THSD7A: variants seen among roughly 807,000 people sequenced by gnomAD.
The protein encoded by THSD7A is thrombospondin type 1 domain containing 7A.
A neutral mutation model predicts 231.3 loss-of-function variants in THSD7A; 96 were observed. The observed-to-expected ratio is 0.41, with a 90% CI of 0.35 to 0.49. The LOEUF (loss-of-function observed/expected upper bound fraction) is 0.49, where lower values mean the gene tolerates loss of function less well. THSD7A is among the 20% of genes least tolerant of loss of function. The pLI is 0.05. For synonymous variants in THSD7A, 940 were observed against 743.3 expected, an observed-to-expected ratio of 1.26 and a Z score of -4.30; for missense variants, 2,290 against 2,070.2, an observed-to-expected ratio of 1.11 and a Z score of -2.06.
At chr7:11,824,033 A>C (rs10273683) in intron 1 of THSD7A, among the ~76,000 whole-genome samples, 1 of 152,010 alleles carries the variant, frequency 6.6e-6, no homozygotes, top group Non-Finnish European at 1.5e-5. Flanking sequence ...TTCTACTGTG[A>C]CAACATTTAA....
intron 1 of THSD7A, among the ~76,000 whole-genome samples, chr7:11,702,928 G>C (rs1281714841): frequency 1.3e-5 from 2 of 151,152 alleles, no homozygotes; most frequent in African/African-American, 4.8e-5. Context: ...GACTAGCTTG[G>C]TATAATTATT....
chr7:11,383,646 G>C (rs961765684), intron 23 of THSD7A, among the ~76,000 whole-genome samples: 2 of 151,842 alleles, frequency 1.3e-5, no homozygotes, highest in Non-Finnish European at 2.9e-5. Flanking sequence ...TTTTGGGTAT[G>C]GAAAGTTATC....
intron 6 of THSD7A, among the ~76,000 whole-genome samples, chr7:11,537,985 G>A (rs993303645): frequency 6.6e-6 from 1 of 152,180 alleles, no homozygotes; most frequent in Non-Finnish European, 1.5e-5. Flanking sequence ...CAATACACAA[G>A]GATGGCCCTA....
intron 1 of THSD7A, among the ~76,000 whole-genome samples, chr7:11,775,431 G>A (rs1440582690): frequency 6.6e-6 from 1 of 152,096 alleles, no homozygotes; most frequent in African/African-American, 2.4e-5. Flanking sequence ...GTCCAAAAGT[G>A]GAAGCACCCC....
intron 1 of THSD7A, among the ~76,000 whole-genome samples, chr7:11,803,999 C>G (rs1354175661): frequency 6.6e-6 from 1 of 151,934 alleles, no homozygotes; most frequent in African/African-American, 2.4e-5. Flanking sequence ...TTTGAATTAT[C>G]ATAAGATAAT....
intron 6 of THSD7A, among the ~76,000 whole-genome samples, chr7:11,539,958 C>T (rs984741): frequency 1.1e-4 from 16 of 152,170 alleles, no homozygotes; most frequent in African/African-American, 2.4e-4. Flanking sequence ...GAATTCAATA[C>T]GACCCTGACT....
At position 11,424,800 on chromosome 7, in the gene THSD7A, G is replaced by C. The variant is rs1369013634; in HGVS notation, c.3279C>G (p.Asp1093Glu). ...CTGTGACCCATAGGTACTGGTTGCAGTCACTGTGGCATGGGACAACCTCAT... is the reference window on the plus strand; with the variant it reads ...CTGTGACCCATAGGTACTGGTTGCACTCACTGTGGCATGGGACAACCTCAT... ...QVYEVVPCHS[D>E]CNQYLWVTEP... is the part of the protein sequence containing the mutation. The change falls in exon 16 of 28, where the codon GAC (aspartate) becomes GAG (glutamate). Residue 1093 changes from aspartate (D) to glutamate (E), a missense_variant. Coordinates refer to ENST00000423059, the MANE Select transcript of THSD7A (RefSeq NM_015204.3). 6.2e-7 allele frequency: 1 copy of C among 1,614,014 alleles called. No homozygotes were observed. Among genetic ancestry groups the C allele is most frequent in the East Asian group, 2.2e-5 (1 of 44,882 alleles).
chr7:11,406,265 T>C lies in THSD7A; in HGVS notation c.4237+35A>G. 6.4e-7 allele frequency: 1 copy of C among 1,562,876 alleles called. No individual in the cohort carries two copies. Among genetic ancestry groups the C allele is most frequent in the Non-Finnish European group, 8.6e-7 (1 of 1,156,750 alleles). On this transcript the variant is annotated intron_variant, in intron 22 of 27. Transcript: ENST00000423059. The surrounding 1 kb of genome is among the most constrained non-coding windows in gnomAD (Gnocchi z 4.7). ...TCACGGCCCTTGTCCTAGGAAAAAA[T>C]AATCAGAATATGAATTCTCCTTTGC...
chr7:11,492,756 C>A (rs538290091), intron 6 of THSD7A, among the ~76,000 whole-genome samples: 1 of 152,130 alleles, frequency 6.6e-6, no homozygotes, highest in African/African-American at 2.4e-5. Context: ...AGAATCTAAT[C>A]CAAAGAATTA....
chr7:11,552,293 C>A (rs746260669), intron 4 of THSD7A, among the ~76,000 whole-genome samples: 4 of 151,986 alleles, frequency 2.6e-5, no homozygotes, highest in Non-Finnish European at 5.9e-5. Context: ...CAAACCTGTA[C>A]ATATATCCCT....
At chr7:11,739,653 A>G (rs1345551262) in intron 1 of THSD7A, among the ~76,000 whole-genome samples, 3 of 151,752 alleles carry the variant, frequency 2.0e-5, no homozygotes, top group Non-Finnish European at 4.4e-5. Flanking sequence ...CCTGGTCTCA[A>G]GCAATCCTCT....
chr7:11,763,140 A>G (rs2128168855), intron 1 of THSD7A, among the ~76,000 whole-genome samples: 1 of 152,272 alleles, frequency 6.6e-6, no homozygotes, highest in African/African-American at 2.4e-5. Flanking sequence ...ACTAAAGGCC[A>G]TTCCAAATTG....
intron 1 of THSD7A, among the ~76,000 whole-genome samples, chr7:11,737,799 A>G (rs1379849580): frequency 6.6e-6 from 1 of 152,054 alleles, no homozygotes; most frequent in Non-Finnish European, 1.5e-5. Context: ...GGGTGACTCC[A>G]AACAATTCAA....
In THSD7A at chr7:11,774,871, A is replaced by G. The variant is rs1029678511; in HGVS notation, c.190+56886T>C. On this transcript the variant is annotated intron_variant, in intron 1 of 27. Transcript: ENST00000423059. Reference sequence around the variant, plus strand: ...GGAGTTCGAGACCAGCCTGGCCAACATGGCGAAACCTTGTCTCTACTGAAA... The same window carrying G: ...GGAGTTCGAGACCAGCCTGGCCAACGTGGCGAAACCTTGTCTCTACTGAAA... Among the ~76,000 whole-genome samples, 20 of 152,280 alleles carry G rather than the reference A, an allele frequency of 1.3e-4. No homozygotes were observed. In the East Asian group the frequency reaches 3.9e-3, roughly 29 times the overall value.
chr7:11,758,819 T>C (rs1208934327), intron 1 of THSD7A, among the ~76,000 whole-genome samples: 1 of 152,088 alleles, frequency 6.6e-6, no homozygotes, highest in Non-Finnish European at 1.5e-5. Flanking sequence ...GTGAGCCACA[T>C]GGCCTCTGTT....
intron 1 of THSD7A, among the ~76,000 whole-genome samples, chr7:11,660,018 TA>T (rs1296736312): frequency 6.6e-6 from 1 of 151,510 alleles, no homozygotes; most frequent in Non-Finnish European, 1.5e-5. Flanking sequence ...ACATGTGTAT[TA>T]AAAATTTAAG....
chr7:11,702,404 T>C (rs938960516), intron 1 of THSD7A, among the ~76,000 whole-genome samples: 1 of 151,196 alleles, frequency 6.6e-6, no homozygotes, highest in African/African-American at 2.4e-5. Context: ...CAGTAGGGGG[T>C]AACCCTCTGG....
At chr7:11,703,851 G>C (rs544265881) in intron 1 of THSD7A, among the ~76,000 whole-genome samples, 1 of 151,200 alleles carries the variant, frequency 6.6e-6, no homozygotes, top group East Asian at 2.0e-4. Context: ...AAAGCTAGAA[G>C]ATCAGAGAAG....
At chr7:11,676,590 G>T (rs887592797) in intron 1 of THSD7A, among the ~76,000 whole-genome samples, 1 of 152,050 alleles carries the variant, frequency 6.6e-6, no homozygotes, top group African/African-American at 2.4e-5. Flanking sequence ...TAAGAGAGAT[G>T]AAAAACATAG....
Sources: allele counts gnomAD v4.1 joint callset (sites outside exome capture counted in the v4.1 genomes callset), GRCh38; gene constraint gnomAD v4.1.1; non-coding constraint Gnocchi (gnomAD v3.1); transcripts MANE v1.5; gene names NCBI Gene and HGNC (gene_info 2026-07-23, HGNC 2026-07-21).